Variants in PPAT observed in about 807,000 individuals in gnomAD.
PPAT encodes phosphoribosyl pyrophosphate amidotransferase, also known as amidophosphoribosyltransferase.
Under a neutral mutation model 60.2 loss-of-function variants are expected in PPAT, and 20 were observed. That is an observed-to-expected ratio of 0.33 (90% CI 0.23 to 0.48). The LOEUF is 0.48. Among genes scored for constraint, PPAT ranks in the 20% least tolerant of loss-of-function variants. PPAT has a pLI of 0.99. For synonymous variants in PPAT, 194 were observed against 215.1 expected, an observed-to-expected ratio of 0.90 and a Z score of 0.86; for missense variants, 349 against 629.6, an observed-to-expected ratio of 0.55 and a Z score of 4.77.
At chr4:56,422,593 T>C (rs1355001370) in intron 1 of PPAT, 1 of 151,910 alleles carries the variant, frequency 6.6e-6, no homozygotes, top group African/African-American at 2.4e-5. Context: ...AATATTCATA[T>C]ATTGAAGCCT....
chr4:56,400,514 T>C (rs1172020567), intron 8 of PPAT: 3 of 252,128 alleles, frequency 1.2e-5, no homozygotes, highest in African/African-American at 6.8e-5. Flanking sequence ...TGTATATTCA[T>C]GATGTTATCT....
At chr4:56,414,919 A>T (rs565103492) in intron 1 of PPAT, among the ~76,000 whole-genome samples, 1 of 152,324 alleles carries the variant, frequency 6.6e-6, no homozygotes, top group African/African-American at 2.4e-5. Context: ...CTGATTTAAA[A>T]TTTTTGACAA....
At chr4:56,401,927 T>A (rs1235944437) in intron 6 of PPAT, among the ~76,000 whole-genome samples, 182 bp downstream of exon 6, 3 of 152,160 alleles carry the variant, frequency 2.0e-5, no homozygotes, top group Non-Finnish European at 2.9e-5. Context: ...TAGAAGCTAT[T>A]ACTAGAACAT....
chr4:56,410,257 C>T (rs772640477), intron 1 of PPAT, among the ~76,000 whole-genome samples: 8 of 152,264 alleles, frequency 5.3e-5, no homozygotes, highest in East Asian at 1.9e-4. Flanking sequence ...ACACAAAAAA[C>T]GGTTTTCTTT....
At chr4:56,429,737 C>T (rs1163572779) in intron 1 of PPAT, among the ~76,000 whole-genome samples, 1 of 152,104 alleles carries the variant, frequency 6.6e-6, no homozygotes, top group African/African-American at 2.4e-5. Context: ...CCAAATCCAC[C>T]ATTCAGGACA....
intron 7 of PPAT, 25 bp from the exon 8 acceptor site, chr4:56,400,936 G>C (rs763422893): frequency 1.3e-6 from 2 of 1,594,714 alleles, no homozygotes; most frequent in Non-Finnish European, 1.7e-6. Flanking sequence ...AAAGGAGAGA[G>C]AGTATTTTTA....
intron 1 of PPAT, among the ~76,000 whole-genome samples, chr4:56,409,164 T>A (rs899051227): frequency 1.3e-5 from 2 of 152,208 alleles, no homozygotes; most frequent in African/African-American, 4.8e-5. Context: ...GTAGGTACTA[T>A]GATTACCATG....
chr4:56,402,019 C>A, intron 6 of PPAT, 90 bp downstream of exon 6: 1 of 977,142 alleles, frequency 1.0e-6, no homozygotes, highest in Non-Finnish European at 1.4e-6. Flanking sequence ...AAAAAGAAAA[C>A]TTTCAAACTT....
intron 1 of PPAT, among the ~76,000 whole-genome samples, chr4:56,432,843 A>C (rs2110071080): frequency 6.6e-6 from 1 of 151,784 alleles, no homozygotes; most frequent in East Asian, 1.9e-4. Context: ...CCTTCATCAA[A>C]AAGGAAAAAA....
intron 1 of PPAT, chr4:56,419,973 T>C (rs917188709): frequency 3.0e-6 from 3 of 984,924 alleles, no homozygotes; most frequent in Non-Finnish European, 3.6e-6. Flanking sequence ...AACAGAAAAA[T>C]CACGAGACCA....
chr4:56,397,384 C>G (rs1255392154), intron 9 of PPAT, among the ~76,000 whole-genome samples: 1 of 152,018 alleles, frequency 6.6e-6, no homozygotes, highest in Non-Finnish European at 1.5e-5. Context: ...CACAGAATTC[C>G]AGAGTAAGAT....
At position 56,405,972 on chromosome 4, in the gene PPAT, C is replaced by T. The variant is rs1716231757; in HGVS notation, c.402+523G>A. On this transcript the variant is annotated intron_variant, in intron 3 of 10. Transcript: ENST00000264220. ...GGGACTGAGCCCTTAACTTCTGGGA[C>T]TGAGCCCTTAACTTCTGGAACCTGA... Among the ~76,000 whole-genome samples, 2 of 152,184 alleles carry T rather than the reference C, an allele frequency of 1.3e-5. 1 individual carries two copies. Among genetic ancestry groups the T allele is most frequent in the South Asian group, 4.1e-4 (2 of 4,832 alleles).
At chr4:56,413,724 C>T (rs549369578) in intron 1 of PPAT, among the ~76,000 whole-genome samples, 33 of 151,868 alleles carry the variant, frequency 2.2e-4, no homozygotes, top group Admixed American at 1.6e-3. Flanking sequence ...GGTGAAACCC[C>T]GTCTCTACTA....
chr4:56,406,240 C>T (rs1716237567), intron 3 of PPAT, among the ~76,000 whole-genome samples: 1 of 152,078 alleles, frequency 6.6e-6, no homozygotes, highest in African/African-American at 2.4e-5. Context: ...ATCAACTCTC[C>T]CAAATCTCTA....
At chr4:56,431,428 G>A in intron 1 of PPAT, 1 of 982,376 alleles carries the variant, frequency 1.0e-6, no homozygotes, top group South Asian at 4.7e-5. Flanking sequence ...CAGAACCAGT[G>A]TCTAAATCTC....
At chr4:56,403,996 T>C (rs1355053255) in intron 3 of PPAT, 1 of 439,050 alleles carries the variant, frequency 2.3e-6, no homozygotes, top group Admixed American at 2.5e-5. Context: ...CCTCCTGCTG[T>C]GTGGCCTGGT....
intron 10 of PPAT, among the ~76,000 whole-genome samples, chr4:56,395,945 TAG>T (rs1435431404): frequency 1.3e-5 from 2 of 152,172 alleles, no homozygotes; most frequent in Non-Finnish European, 2.9e-5. Context: ...TGCCTAAATG[TAG>T]AGTTTTTATG....
At chr4:56,401,993 T>C (rs1716123810) in intron 6 of PPAT, 116 bp downstream of exon 6, 2 of 729,270 alleles carry the variant, frequency 2.7e-6, no homozygotes, top group Non-Finnish European at 4.3e-6. Flanking sequence ...TTTATAAATA[T>C]TTTCTTGCAG....
At chr4:56,399,126 G>T in intron 9 of PPAT, 53 bp downstream of exon 9, 1 of 1,465,348 alleles carries the variant, frequency 6.8e-7, no homozygotes, top group Non-Finnish European at 9.5e-7. Context: ...GCAATTTTAT[G>T]CCAGTATCTT....
Sources: allele counts gnomAD v4.1 joint callset (sites outside exome capture counted in the v4.1 genomes callset), GRCh38; gene constraint gnomAD v4.1.1; transcripts MANE v1.5; gene names NCBI Gene and HGNC (gene_info 2026-07-23, HGNC 2026-07-21).